The following BSN variants were observed in gnomAD, a reference collection of about 807,000 sequenced individuals.
BSN encodes the protein bassoon presynaptic cytomatrix protein.
BSN carries 57 observed loss-of-function variants against 264.8 expected under a neutral mutation model. The observed-to-expected ratio is 0.22, with a 90% confidence interval of 0.17 to 0.27. The LOEUF is 0.27. BSN is among the 10% of genes least tolerant of loss of function. The probability of loss-of-function intolerance (pLI) is 1.00; values close to 1 mark genes in which losing one functional copy is unlikely to be tolerated. For synonymous variants in BSN, 2,059 were observed against 2,137.3 expected (o/e 0.96, Z 1.01); for missense variants, 4,615 against 5,232.5 (o/e 0.88, Z 3.64).
chr3:49,575,626 G>C (rs978549805), intron 1 of BSN, among the ~76,000 whole-genome samples: 3 of 104,718 alleles, frequency 2.9e-5, no homozygotes, highest in Admixed American at 1.2e-4. Flanking sequence ...TATATATATA[G>C]TATATATATG....
At chr3:49,559,461 G>T (rs892423681) in intron 1 of BSN, among the ~76,000 whole-genome samples, 2 of 152,086 alleles carry the variant, frequency 1.3e-5, no homozygotes, top group African/African-American at 4.8e-5. Flanking sequence ...CAAGAAATAA[G>T]GGCTTTGCAT....
In BSN at chr3:49,656,514, A is replaced by C; in HGVS notation, c.6958A>C (p.Lys2320Gln). 6.3e-7 allele frequency: 1 copy of C among 1,581,440 alleles called. No individual in the cohort carries two copies. Among genetic ancestry groups the C allele is most frequent in the Non-Finnish European group, 8.6e-7 (1 of 1,162,770 alleles). The change falls in exon 5 of 12, where the codon AAG becomes CAG. Residue 2320 changes from lysine to glutamine, a missense_variant. Physicochemically the swap from Lys to Gln is moderately conservative, Grantham distance 53. This residue lies in a region of BSN where 3,415 missense variants were observed against 3,866.4 expected (regional missense o/e 0.88). Transcript: ENST00000296452. The stretch of plus-strand genomic sequence containing the variant: ...TCCCACAACCACCCCTGCTGCCATC[A>C]AGGAGGCTGCAGGAGCCCCAGCTCC... Reference protein sequence around the residue: ...PLPTTTPAAIKEAAGAPAPAP... With the variant: ...PLPTTTPAAIQEAAGAPAPAP...
In BSN at chr3:49,651,059, C is replaced by T. The variant is rs2052537784; in HGVS notation, c.1966C>T (p.Pro656Ser). The change falls in exon 4 of 12, where the codon CCC becomes TCC. Residue 656 changes from proline (P) to serine (S), a missense_variant. Transcript: ENST00000296452. The surrounding 1 kb of genome is among the most constrained non-coding windows in gnomAD (Gnocchi z 5.4). ...TGTCGTCAAGGCTGTTCCAGAAGCC[C>T]CCAAGGGTGGGGAGGCGGAGGTCAG... ...TPVVKAVPEA[P>S]KGGEAEDLVG... 1 of 1,611,638 alleles carries T rather than the reference C, an allele frequency of 6.2e-7. No individual in the cohort carries two copies. Among genetic ancestry groups the T allele is most frequent in the Non-Finnish European group, 8.5e-7 (1 of 1,179,408 alleles).
At chr3:49,595,180 C>T (rs546106422) in intron 1 of BSN, among the ~76,000 whole-genome samples, 24 of 150,822 alleles carry the variant, frequency 1.6e-4, no homozygotes, top group South Asian at 6.3e-4. Context: ...TGAGCCACTG[C>T]GCCTGGCCAC....
chr3:49,568,270 C>T (rs561124401), intron 1 of BSN, among the ~76,000 whole-genome samples: 1 of 152,306 alleles, frequency 6.6e-6, no homozygotes, highest in East Asian at 1.9e-4. Flanking sequence ...ACTGCAAAGA[C>T]ACATGGCAGA....
chr3:49,555,961 T>C (rs932740030), intron 1 of BSN, among the ~76,000 whole-genome samples: 2 of 152,236 alleles, frequency 1.3e-5, no homozygotes, highest in African/African-American at 4.8e-5. Context: ...CAACTAACAG[T>C]AATGAAAGGC....
chr3:49,663,204 C>G lies in BSN; in HGVS notation c.11046C>G (p.His3682Gln). 1.2e-6 allele frequency: 2 copies of G among 1,614,024 alleles called. No individual in the cohort carries two copies. Among genetic ancestry groups the G allele is most frequent in the Non-Finnish European group, 1.7e-6 (2 of 1,180,014 alleles). The part of the protein sequence containing the change: ...RDLGRHEARP[H>Q]SQPSSAPAMP... ...TGGGTCGCCATGAGGCCCGGCCCCACTCTCAGCCCAGCTCTGCTCCAGCTA... is the reference window on the plus strand; with the variant it reads ...TGGGTCGCCATGAGGCCCGGCCCCAGTCTCAGCCCAGCTCTGCTCCAGCTA... Residue 3682 changes from histidine to glutamine, a missense_variant, in exon 7 of 12, where the codon CAC becomes CAG. His to Gln is a conservative substitution (Grantham distance 24). Transcript: ENST00000296452.
chr3:49,666,523 C>G (rs945050028), intron 11 of BSN, among the ~76,000 whole-genome samples: 1 of 152,188 alleles, frequency 6.6e-6, no homozygotes, highest in Admixed American at 6.5e-5. Flanking sequence ...TAAAAAGGTA[C>G]TTTCTGAAAG....
chr3:49,605,523 T>TATATA (rs1376857163), intron 1 of BSN, among the ~76,000 whole-genome samples: 1 of 4,948 alleles, frequency 2.0e-4, no homozygotes, highest in Non-Finnish European at 2.8e-4. Flanking sequence ...AATATATATA[T>TATATA]AATATATAAT....
chr3:49,596,464 C>G (rs1006817658), intron 1 of BSN, among the ~76,000 whole-genome samples: 1 of 152,126 alleles, frequency 6.6e-6, no homozygotes, highest in Non-Finnish European at 1.5e-5. Flanking sequence ...TATGAAGTTG[C>G]AATAATTCCC....
Position 49,647,571 on chromosome 3 carries a change from G to A in BSN, c.1519-3041G>A, listed in dbSNP as rs563282598. Among the ~76,000 whole-genome samples the A allele has an allele frequency of 4.6e-5, 7 of 152,324 alleles. No homozygotes were observed. The East Asian group carries it at 5.8e-4, about 13-fold the overall frequency. On this transcript the variant is annotated intron_variant, in intron 3 of 11. Coordinates refer to ENST00000296452, the MANE Select transcript of BSN (RefSeq NM_003458.4). ...GCATGGGCTGAGTGAGGCAGAGTAC[G>A]AGAGGGCTGTGCAATGAATGGATGG...
chr3:49,656,508 G>A lies in BSN; in HGVS notation c.6952G>A (p.Ala2318Thr). The A allele has an allele frequency of 6.3e-7, 1 of 1,585,362 alleles. No individual in the cohort carries two copies. Among genetic ancestry groups the A allele is most frequent in the Non-Finnish European group, 8.6e-7 (1 of 1,164,600 alleles). ...GCCTCTTCCCACAACCACCCCTGCT[G>A]CCATCAAGGAGGCTGCAGGAGCCCC... ...EEPLPTTTPA[A>T]IKEAAGAPAP... The change falls in exon 5 of 12, where the codon GCC becomes ACC. Residue 2318 changes from alanine to threonine, a missense_variant. Coordinates refer to ENST00000296452, the MANE Select transcript of BSN (RefSeq NM_003458.4).
In BSN at chr3:49,620,192, C is replaced by T. The variant is rs576470698; in HGVS notation, c.225-4783C>T. Among the ~76,000 whole-genome samples the T allele has an allele frequency of 1.9e-3, 289 of 152,088 alleles. 2 individuals carry two copies. The highest frequency in any genetic ancestry group is 6.6e-3 in the African/African-American group (274 of 41,494). On this transcript the variant is annotated intron_variant, in intron 1 of 11. Transcript: ENST00000296452. ...GTGTCTGCAGAAAGAACAGCAAATC[C>T]GAGGCGGGCGGATCACAAGGTCAGG...
In BSN at chr3:49,660,847, C is replaced by T. The variant is rs376748376; in HGVS notation, c.9002C>T (p.Pro3001Leu). 1.2e-6 allele frequency: 2 copies of T among 1,613,268 alleles called. No individual in the cohort carries two copies. Among genetic ancestry groups the T allele is most frequent in the East Asian group, 4.5e-5 (2 of 44,884 alleles). ...GACCGGGGTGGCCGTGACTACCCAC[C>T]CTTGCGTGGTCTTGGCGAGCATCGT... ...AKDRGGRDYP[P>L]LRGLGEHRDY... Residue 3001 changes from proline to leucine, a missense_variant, in exon 6 of 12, where the codon CCC becomes CTC. By Grantham distance (98) the Pro-to-Leu change is moderately conservative. This residue lies in a region of BSN where 3,415 missense variants were observed against 3,866.4 expected (regional missense o/e 0.88). Coordinates refer to ENST00000296452, the MANE Select transcript of BSN (RefSeq NM_003458.4). The surrounding 1 kb of genome is among the most constrained non-coding windows in gnomAD (Gnocchi z 7.1).
chr3:49,563,533 G>C (rs1453571986), intron 1 of BSN, among the ~76,000 whole-genome samples: 1 of 152,210 alleles, frequency 6.6e-6, no homozygotes, highest in Non-Finnish European at 1.5e-5. Context: ...TCAGACTCCA[G>C]TTTGGGCAGA....
chr3:49,573,410 G>A (rs1428877629), intron 1 of BSN, among the ~76,000 whole-genome samples: 8 of 152,186 alleles, frequency 5.3e-5, no homozygotes, highest in African/African-American at 1.9e-4. Flanking sequence ...TCTGGCAATG[G>A]TACACACAGC....
At position 49,656,307 on chromosome 3, in the gene BSN, G is replaced by T; in HGVS notation, c.6751G>T (p.Val2251Leu). The change falls in exon 5 of 12, where the codon GTA (valine) becomes TTA (leucine). Residue 2251 changes from valine (V) to leucine (L), a missense_variant. Val to Leu is a conservative substitution (Grantham distance 32). Around this residue, in one of 3 missense-constraint regions of BSN, gnomAD observed 3,415 missense variants for 3,866.4 expected, o/e 0.88. Transcript: ENST00000296452. ...ACGTGTGCCCATGATTGCCCCCCGG[G>T]TACCTCTTGGACCCACAGGGCTGTA... ...LTRVPMIAPR[V>L]PLGPTGLYRY... 6.2e-7 allele frequency: 1 copy of T among 1,613,108 alleles called. No homozygotes were observed. Among genetic ancestry groups the T allele is most frequent in the East Asian group, 2.2e-5 (1 of 44,890 alleles).
chr3:49,568,398 A>T (rs1006208899), intron 1 of BSN, among the ~76,000 whole-genome samples: 1 of 152,166 alleles, frequency 6.6e-6, no homozygotes, highest in Non-Finnish European at 1.5e-5. Flanking sequence ...ATAAAACAAG[A>T]TATATTGAGA....
intron 11 of BSN, among the ~76,000 whole-genome samples, chr3:49,666,713 G>A (rs1396416133): frequency 6.6e-6 from 1 of 151,976 alleles, no homozygotes; most frequent in Non-Finnish European, 1.5e-5. Context: ...TGGGACCAGG[G>A]ACAGGGCAAA....
Sources: allele counts gnomAD v4.1 joint callset (sites outside exome capture counted in the v4.1 genomes callset), GRCh38; gene constraint gnomAD v4.1.1; regional missense constraint gnomAD v4.1.1; non-coding constraint Gnocchi (gnomAD v3.1); transcripts MANE v1.5; gene names NCBI Gene and HGNC (gene_info 2026-07-23, HGNC 2026-07-21).